Variants in IGFBPL1 observed in about 807,000 individuals in gnomAD.
IGFBPL1 encodes the protein insulin-like growth factor-binding protein-like 1.
In IGFBPL1, 20 loss-of-function variants were observed where a neutral mutation model predicts 23.9. The ratio of observed to expected loss-of-function variants is 0.84; its 90% CI spans 0.59 to 1.22. The LOEUF (loss-of-function observed/expected upper bound fraction) is 1.22, where lower values mean the gene tolerates loss of function less well. IGFBPL1 is among the 50% of genes most tolerant of loss of function. The pLI is 0.00. For missense variants in IGFBPL1, 436 were observed against 379.3 expected (o/e 1.15, Z -1.24); for synonymous variants, 184 against 171.8 (o/e 1.07, Z -0.56).
rs1563921705 is a variant in IGFBPL1, at chr9:38,424,163, C to T, written c.262G>A (p.Gly88Ser). ...GCGGCCTGGCTCGCGCATACCAGGC[C>T]GGGGCCACAGCGCCCGCCGGCGCGG... The part of the protein sequence containing the change: ...GGRAGGRCGP[G>S]LVCASQAAGA... Residue 88 changes from glycine (G) to serine (S), a missense_variant, in exon 1 of 5, where the codon GGC becomes AGC. Coordinates refer to ENST00000377694, the MANE Select transcript of IGFBPL1 (RefSeq NM_001007563.3). 1 of 1,189,462 alleles carries T rather than the reference C, an allele frequency of 8.4e-7. No individual in the cohort carries two copies. The highest frequency in any genetic ancestry group is 1.0e-6 in the Non-Finnish European group (1 of 961,972). 73.7% of individuals were successfully genotyped at this position (1,189,462 alleles called of 1,614,324 possible).
rs1262936410 is a variant in IGFBPL1 at position 38,424,267 on chromosome 9, G to C, written c.158C>G (p.Pro53Arg). Residue 53 changes from proline (P) to arginine (R), a missense_variant, in exon 1 of 5, where the codon CCG becomes CGG. Pro to Arg is a moderately radical substitution (Grantham distance 103). Transcript: ENST00000377694. ...GTCGAGCGCCGAGATCCCGGGCGCC[G>C]GGCAGGGCGCAGGCGCCGGGCAGCC... ...PEGCPAPAPC[P>R]APGISALDEC... 4 of 1,232,514 alleles carry C rather than the reference G, an allele frequency of 3.2e-6. No homozygotes were observed. Among genetic ancestry groups the C allele is most frequent in the South Asian group, 6.1e-5 (2 of 32,902 alleles). 76.3% of individuals were successfully genotyped at this position (1,232,514 alleles called of 1,614,324 possible). A position where few individuals can be genotyped will look rare whatever the true frequency, so the allele number is the denominator to read the frequency against.
chr9:38,416,225 C>T (rs917177557), intron 1 of IGFBPL1, among the ~76,000 whole-genome samples: 5 of 152,218 alleles, frequency 3.3e-5, no homozygotes, highest in Non-Finnish European at 5.9e-5. Flanking sequence ...TCTCAATCAG[C>T]CTGGTTTACT....
At chr9:38,413,836 C>T (rs1056483490) in intron 2 of IGFBPL1, among the ~76,000 whole-genome samples, 4 of 152,030 alleles carry the variant, frequency 2.6e-5, no homozygotes, top group African/African-American at 9.7e-5. Flanking sequence ...CCCTAAGTGG[C>T]CAAGGGTGTA....
chr9:38,418,795 A>T (rs1262918643), intron 1 of IGFBPL1, among the ~76,000 whole-genome samples: 3 of 151,996 alleles, frequency 2.0e-5, no homozygotes, highest in Non-Finnish European at 4.4e-5. Flanking sequence ...CAACCATCCA[A>T]GGGCTAACCA....
chr9:38,424,055 T>TG lies in IGFBPL1; in HGVS notation c.369dup (p.Ser124GlnfsTer54). 1 of 1,401,654 alleles carries TG rather than the reference T, an allele frequency of 7.1e-7. No homozygotes were observed. The highest frequency in any genetic ancestry group is 3.1e-5 in the East Asian group (1 of 32,688). The allele number at this position is 1,401,654 out of a possible 1,614,324, so 86.8% of individuals were successfully genotyped here. A position where few individuals can be genotyped will look rare whatever the true frequency, so the allele number is the denominator to read the frequency against. ...GCGCGCAGGCGCAGCGCGCAGACGC[T>TG]GGGGTACGAGCGACCGTCGGAGCCG... On this transcript the variant is annotated frameshift_variant, in exon 1 of 5. Transcript: ENST00000377694. LOFTEE classifies it high-confidence loss of function.
Position 38,424,104 on chromosome 9 carries a change from C to G in IGFBPL1, c.321G>C (p.Val107=). 1.5e-6 allele frequency: 2 copies of G among 1,353,060 alleles called. No homozygotes were observed. Among genetic ancestry groups the G allele is most frequent in the Non-Finnish European group, 1.9e-6 (2 of 1,054,392 alleles). The allele number at this position is 1,353,060 out of a possible 1,614,324, so 83.8% of individuals were successfully genotyped here. ...CGCAGACGGTGCCGCGCTGCGCGCA[C>G]ACGCAGAGCCCGGTGCCCTCGGGCG... The part of the protein sequence containing the change: ...GAAPEGTGLC[V]CAQRGTVCGS... Residue 107 remains valine (V), a synonymous_variant, in exon 1 of 5, where the codon GTG becomes GTC. Transcript: ENST00000377694.
At chr9:38,415,885 C>G (rs1036963425) in intron 1 of IGFBPL1, among the ~76,000 whole-genome samples, 1 of 152,142 alleles carries the variant, frequency 6.6e-6, no homozygotes, top group African/African-American at 2.4e-5. Context: ...TTTCCTCCCC[C>G]TCTATCTGAT....
rs1210945815 is a variant in IGFBPL1 at position 38,408,417 on chromosome 9, G to A, written c.*810C>T. On this transcript the variant is annotated 3_prime_UTR_variant, in exon 5 of 5. Coordinates refer to ENST00000377694, the MANE Select transcript of IGFBPL1 (RefSeq NM_001007563.3). ...CACTCCAGCCTGGGTGATAGAGCGA[G>A]ACCCTGTCTCAAAATAAAATTTTAA... Among the ~76,000 whole-genome samples the A allele has an allele frequency of 2.0e-5, 3 of 152,096 alleles. No homozygotes were observed. The highest frequency in any genetic ancestry group is 4.4e-5 in the Non-Finnish European group (3 of 68,022).
chr9:38,410,727 T>G (rs911574032), intron 4 of IGFBPL1, among the ~76,000 whole-genome samples: 13 of 152,194 alleles, frequency 8.5e-5, no homozygotes, highest in East Asian at 1.9e-4. Flanking sequence ...AGCAAGATTT[T>G]GGGATTTTTA....
In IGFBPL1 at chr9:38,414,104, G is replaced by C. The variant is rs146099496; in HGVS notation, c.560C>G (p.Thr187Arg). 2 of 1,601,060 alleles carry C rather than the reference G, an allele frequency of 1.2e-6. No individual in the cohort carries two copies. The highest frequency in any genetic ancestry group is 1.7e-6 in the Non-Finnish European group (2 of 1,171,512). The change falls in exon 2 of 5, where the codon ACG (threonine) becomes AGG (arginine). Residue 187 changes from threonine to arginine, a missense_variant. Thr to Arg is a moderately conservative substitution (Grantham distance 71, BLOSUM62 -1). Transcript: ENST00000377694. Reference protein sequence around the residue: ...EVRAVPTPVITWRKVTKSPEG... With the variant: ...EVRAVPTPVIRWRKVTKSPEG... ...CTTGGACAGAAATACCTTTCTCCAC[G>C]TGATGACTGGGGTAGGCACAGCCCT...
intron 1 of IGFBPL1, 23 bp downstream of exon 1, chr9:38,423,941 AC>A: frequency 1.5e-6 from 2 of 1,347,808 alleles, no homozygotes; most frequent in Non-Finnish European, 9.5e-7. Flanking sequence ...TTCTCTACCC[AC>A]CCAATCCCCG....
chr9:38,415,198 A>G (rs1821583819), intron 1 of IGFBPL1, among the ~76,000 whole-genome samples: 1 of 152,216 alleles, frequency 6.6e-6, no homozygotes, highest in African/African-American at 2.4e-5. Flanking sequence ...TTAATGTGAT[A>G]TGCAAGTGAG....
rs562264000 is a variant in IGFBPL1 at position 38,408,054 on chromosome 9, A to G, written c.*1173T>C. On this transcript the variant is annotated 3_prime_UTR_variant, in exon 5 of 5. Coordinates refer to ENST00000377694, the MANE Select transcript of IGFBPL1 (RefSeq NM_001007563.3). ...TTCCACAGTCTGGAGATAACACCTG[A>G]CCCCTTTTTTTACAATTTGATCGTC... 5.9e-5 allele frequency among the ~76,000 whole-genome samples: 9 copies of G among 151,980 alleles called. No individual in the cohort carries two copies. The East Asian group carries it at 1.7e-3, about 29-fold the overall frequency.
Position 38,407,530 on chromosome 9 carries a change from T to C in IGFBPL1, c.*1697A>G, listed in dbSNP as rs1240170172. Among the ~76,000 whole-genome samples, 2 of 152,224 alleles carry C rather than the reference T, an allele frequency of 1.3e-5. No homozygotes were observed. Among genetic ancestry groups the C allele is most frequent in the Non-Finnish European group, 2.9e-5 (2 of 68,040 alleles). ...TTCCAACAAGGACTCCAAAATGTAA[T>C]GCACAATGTGAGCGGTGTGAAAGTG... On this transcript the variant is annotated 3_prime_UTR_variant, in exon 5 of 5. Coordinates refer to ENST00000377694, the MANE Select transcript of IGFBPL1 (RefSeq NM_001007563.3).
intron 1 of IGFBPL1, among the ~76,000 whole-genome samples, chr9:38,418,322 T>C (rs1821629147): frequency 6.6e-6 from 1 of 152,188 alleles, no homozygotes; most frequent in Non-Finnish European, 1.5e-5. Context: ...AGTGTCTTCT[T>C]CTTTAAAATG....
intron 1 of IGFBPL1, among the ~76,000 whole-genome samples, 178 bp from the exon 2 acceptor site, chr9:38,414,381 C>T (rs1413512772): frequency 6.6e-6 from 1 of 152,142 alleles, no homozygotes; most frequent in South Asian, 2.1e-4. Flanking sequence ...AGCTGCCGAC[C>T]GATCTCCTGA....
Position 38,406,625 on chromosome 9 carries a change from G to T in IGFBPL1, c.*2602C>A, listed in dbSNP as rs1417701194. Among the ~76,000 whole-genome samples the T allele has an allele frequency of 6.6e-6, 1 of 152,116 alleles. No homozygotes were observed. Among genetic ancestry groups the T allele is most frequent in the African/African-American group, 2.4e-5 (1 of 41,402 alleles). ...AAACCCAGGTTTGGTGCGGGGAGTG[G>T]GGGCATTGTAATTACGTCTCCAAAT... On this transcript the variant is annotated 3_prime_UTR_variant, in exon 5 of 5. Transcript: ENST00000377694.
rs114304002 is a variant in IGFBPL1, at chr9:38,414,594, C to T, written c.461-391G>A. On this transcript the variant is annotated intron_variant, in intron 1 of 4. Coordinates refer to ENST00000377694, the MANE Select transcript of IGFBPL1 (RefSeq NM_001007563.3). ...AGAGGGGCTGGTGTCACGCCACCAA[C>T]GGCAGAGTCTTCTAACAGATGGGCT... 3.8e-3 allele frequency among the ~76,000 whole-genome samples: 579 copies of T among 152,298 alleles called. 1 individual carries two copies. The highest frequency in any genetic ancestry group is 0.013 in the African/African-American group (534 of 41,564).
At position 38,423,997 on chromosome 9, in the gene IGFBPL1, A is replaced by G; in HGVS notation, c.428T>C (p.Leu143Pro). 2.1e-6 allele frequency: 3 copies of G among 1,411,502 alleles called. No individual in the cohort carries two copies. The highest frequency in any genetic ancestry group is 1.8e-6 in the Non-Finnish European group (2 of 1,092,844). The allele number at this position is 1,411,502 out of a possible 1,614,324, so 87.4% of individuals were successfully genotyped here. Residue 143 changes from leucine (L) to proline (P), a missense_variant, in exon 1 of 5, where the codon CTG becomes CCG. Coordinates refer to ENST00000377694, the MANE Select transcript of IGFBPL1 (RefSeq NM_001007563.3). Reference sequence around the variant, plus strand: ...GCAAGGGCCGTCGCGCGCCTTGTGCAGGTGACCGGGGTGCGCGCGGGGCGT... The same window carrying G: ...GCAAGGGCCGTCGCGCGCCTTGTGCGGGTGACCGGGGTGCGCGCGGGGCGT... ...RHTPRAHPGH[L>P]HKARDGPCEF...
Sources: allele counts gnomAD v4.1 joint callset (sites outside exome capture counted in the v4.1 genomes callset), GRCh38; gene constraint gnomAD v4.1.1; transcripts MANE v1.5; gene names NCBI Gene and HGNC (gene_info 2026-07-23, HGNC 2026-07-21).